WDPCP: variants seen among roughly 807,000 people sequenced by gnomAD.
WDPCP encodes WD repeat-containing and planar cell polarity effector protein fritz homolog.
In WDPCP, 71 loss-of-function variants were observed where a neutral mutation model predicts 93.1. That is an observed-to-expected ratio of 0.76 (90% CI 0.63 to 0.93). WDPCP has a LOEUF of 0.93. WDPCP is among the 40% of genes least tolerant of loss of function. The pLI is 0.00. For missense variants in WDPCP, 844 were observed against 887.4 expected (o/e 0.95, Z 0.62); for synonymous variants, 315 against 315.0 (o/e 1.00, Z 0.00).
At position 63,713,227 on chromosome 2, in the gene WDPCP, T is replaced by TCACACACCTCCATTCCATA. The variant is rs1669288885; in HGVS notation, n.309-62408_309-62390dup. On this transcript the variant is annotated intron_variant and non_coding_transcript_variant, in intron 2 of 4. Transcript: ENST00000467687. Reference sequence around the variant, plus strand: ...TGATCCTGTTACAGTTTTAATTCCATCACACACCTCCATTCCATACACACC... The same window carrying TCACACACCTCCATTCCATA: ...TGATCCTGTTACAGTTTTAATTCCATCACACACCTCCATTCCATACACACACCTCCATTCCATACACACC... Among the ~76,000 whole-genome samples the TCACACACCTCCATTCCATA allele has an allele frequency of 2.0e-5, 3 of 152,332 alleles. No individual in the cohort carries two copies. The South Asian group carries it at 6.2e-4, about 32-fold the overall frequency.
At chr2:63,307,819 A>T (rs1015791674) in intron 13 of WDPCP, among the ~76,000 whole-genome samples, 2 of 152,192 alleles carry the variant, frequency 1.3e-5, no homozygotes, top group Non-Finnish European at 2.9e-5. Flanking sequence ...GCATGGGCAA[A>T]GACTTCATGA....
chr2:63,202,416 A>C (rs1164942821), intron 14 of WDPCP, among the ~76,000 whole-genome samples: 2 of 152,104 alleles, frequency 1.3e-5, no homozygotes, highest in Non-Finnish European at 2.9e-5. Flanking sequence ...ATCAGCACTT[A>C]AAAAAAGGCA....
intron 2 of WDPCP, among the ~76,000 whole-genome samples, chr2:63,771,516 A>T (rs567887515): frequency 2.0e-3 from 297 of 152,116 alleles, no homozygotes; most frequent in Non-Finnish European, 3.6e-3. Context: ...GAATAAACTA[A>T]AAGTGGAAAC....
At chr2:63,484,515 A>G in intron 6 of WDPCP, 89 bp downstream of exon 6, 1 of 1,514,582 alleles carries the variant, frequency 6.6e-7, no homozygotes, top group Non-Finnish European at 9.1e-7. Flanking sequence ...GTTTTTGTCC[A>G]TTACCTAACA....
chr2:63,165,068 T>G (rs190221305), intron 15 of WDPCP, among the ~76,000 whole-genome samples: 1 of 152,232 alleles, frequency 6.6e-6, no homozygotes, highest in East Asian at 1.9e-4. Context: ...AACCCTCCAA[T>G]TAAAAGGAAG....
chr2:63,421,234 AAGTTT>A (rs1198655787), intron 9 of WDPCP, among the ~76,000 whole-genome samples: 2 of 152,222 alleles, frequency 1.3e-5, no homozygotes, highest in Non-Finnish European at 2.9e-5. Flanking sequence ...ATAAAAAGAA[AAGTTT>A]AGAAAAACAT....
At chr2:63,206,734 C>T (rs997794401) in intron 14 of WDPCP, among the ~76,000 whole-genome samples, 8 of 152,130 alleles carry the variant, frequency 5.3e-5, no homozygotes, top group African/African-American at 1.9e-4. Context: ...TCTTATTCTC[C>T]CTATATTTTT....
chr2:63,215,280 C>T (rs542942442), intron 14 of WDPCP, among the ~76,000 whole-genome samples: 1 of 152,144 alleles, frequency 6.6e-6, no homozygotes, highest in Non-Finnish European at 1.5e-5. Context: ...CAGAACAGAG[C>T]CCTCAGAAAT....
At chr2:63,434,082 T>C (rs1415329389) in intron 8 of WDPCP, 146 bp from the exon 9 acceptor site, 8 of 792,662 alleles carry the variant, frequency 1.0e-5, no homozygotes, top group Non-Finnish European at 1.2e-5. Context: ...GTGTCAGAAT[T>C]TACCAAATTC....
At chr2:63,417,089 G>A (rs557395069) in intron 9 of WDPCP, among the ~76,000 whole-genome samples, 5 of 152,292 alleles carry the variant, frequency 3.3e-5, no homozygotes, top group Non-Finnish European at 7.4e-5. Flanking sequence ...GTAACTAAAT[G>A]CAGGGGACAG....
chr2:63,730,087 G>GT (rs1669538476), intron 2 of WDPCP, among the ~76,000 whole-genome samples: 1 of 152,180 alleles, frequency 6.6e-6, no homozygotes, highest in Non-Finnish European at 1.5e-5. Flanking sequence ...TAGAAAAAGA[G>GT]TAAGTGTGAA....
At chr2:63,416,190 C>A (rs2105311786) in intron 9 of WDPCP, among the ~76,000 whole-genome samples, 1 of 125,600 alleles carries the variant, frequency 8.0e-6, no homozygotes, top group Admixed American at 8.0e-5. Context: ...TGCATGAAAT[C>A]TTTTTTTTCC....
In WDPCP at chr2:63,203,273, G is replaced by A. The variant is rs143343052; in HGVS notation, c.1916-28441C>T. Among the ~76,000 whole-genome samples the A allele has an allele frequency of 2.1e-3, 312 of 152,126 alleles. 2 individuals are homozygous for A. Among genetic ancestry groups the A allele is most frequent in the African/African-American group, 7.0e-3 (292 of 41,494 alleles). The stretch of plus-strand genomic sequence containing the variant: ...ATAATAATCACATTGTGGAAATGGG[G>A]TATCCATCACCTCAGGCATTTATCC... On this transcript the variant is annotated intron_variant, in intron 14 of 17. Coordinates refer to ENST00000272321, the MANE Select transcript of WDPCP (RefSeq NM_015910.7).
chr2:63,608,901 G>A (rs1007718102), intron 3 of WDPCP, among the ~76,000 whole-genome samples: 8 of 152,078 alleles, frequency 5.3e-5, no homozygotes, highest in Non-Finnish European at 8.8e-5. Flanking sequence ...ACTATTAATC[G>A]GAAGCATAAA....
intron 17 of WDPCP, among the ~76,000 whole-genome samples, chr2:63,144,458 G>T (rs1194838966): frequency 6.6e-6 from 1 of 152,064 alleles, no homozygotes; most frequent in Non-Finnish European, 1.5e-5. Flanking sequence ...GTTTCGCCAT[G>T]TTGGCCAGAC....
rs796496113 is a variant in WDPCP, at chr2:63,730,206, AT to A, written n.309-79369del. On this transcript the variant is annotated intron_variant and non_coding_transcript_variant, in intron 2 of 4. Coordinates refer to the WDPCP transcript ENST00000467687. ...GGAAGTAGGTACTATTGTTATTCTC[AT>A]TTTTTTTTTTTTACATGAGGAATTT... is the stretch of plus-strand genomic sequence containing the variant. 8.0e-3 allele frequency among the ~76,000 whole-genome samples: 1,154 copies of A among 144,318 alleles called. 4 individuals are homozygous for A. Among genetic ancestry groups the A allele is most frequent in the African/African-American group, 0.017 (678 of 39,560 alleles). The allele number at this position is 144,318 out of a possible 152,430, so 94.7% of individuals were successfully genotyped here.
chr2:63,454,105 T>A (rs1166297615), intron 6 of WDPCP, among the ~76,000 whole-genome samples: 1 of 147,442 alleles, frequency 6.8e-6, no homozygotes, highest in Non-Finnish European at 1.5e-5. Flanking sequence ...TAAAGTATAA[T>A]AAAAATATAT....
chr2:63,836,447 A>C, the WDPCP span, among the ~76,000 whole-genome samples: 1 of 152,234 alleles, frequency 6.6e-6, no homozygotes, highest in Non-Finnish European at 1.5e-5. Context: ...TTTGAAAGTC[A>C]ATAAGTAACC....
At chr2:63,427,537 T>C (rs1696415609) in intron 9 of WDPCP, among the ~76,000 whole-genome samples, 1 of 152,086 alleles carries the variant, frequency 6.6e-6, no homozygotes. Context: ...TTTTTTGAAA[T>C]CAACGAAAAC....
Sources: allele counts gnomAD v4.1 joint callset (sites outside exome capture counted in the v4.1 genomes callset), GRCh38; gene constraint gnomAD v4.1.1; transcripts MANE v1.5; gene names NCBI Gene and HGNC (gene_info 2026-07-23, HGNC 2026-07-21).